The following LAMB3 variants were observed in gnomAD, a reference collection of about 807,000 sequenced individuals.
LAMB3 encodes the protein laminin subunit beta 3.
In LAMB3, 104 loss-of-function variants were observed where a neutral mutation model predicts 140.3. That is an observed-to-expected ratio of 0.74 (90% CI 0.63 to 0.87). The LOEUF is 0.87. LAMB3 is among the 40% of genes least tolerant of loss of function. The pLI is 0.00. For synonymous variants in LAMB3, 592 were observed against 602.9 expected, an observed-to-expected ratio of 0.98 and a Z score of 0.26; for missense variants, 1,531 against 1,575.2, an observed-to-expected ratio of 0.97 and a Z score of 0.47.
intron 3 of LAMB3, among the ~76,000 whole-genome samples, chr1:209,642,469 T>TTGTG (rs35289310): frequency 0.3 from 45,051 of 151,836 alleles, 7,104 homozygotes; most frequent in East Asian, 0.49. Flanking sequence ...TTAAGCTTTT[T>TTGTG]TGTTTGTTTG....
intron 18 of LAMB3, 114 bp downstream of exon 18, chr1:209,622,422 T>C (rs2102412463): frequency 1.6e-6 from 2 of 1,282,960 alleles, no homozygotes; most frequent in Non-Finnish European, 1.1e-6. Context: ...AGTGGAGGCC[T>C]GGATGTTGCA....
intron 22 of LAMB3, among the ~76,000 whole-genome samples, 164 bp downstream of exon 22, chr1:209,616,307 C>T (rs1665959716): frequency 6.6e-6 from 1 of 152,210 alleles, no homozygotes; most frequent in Non-Finnish European, 1.5e-5. Flanking sequence ...ACCATCTCTG[C>T]ATTCCCCAGC....
intron 5 of LAMB3, among the ~76,000 whole-genome samples, chr1:209,636,791 T>C (rs1045398421): frequency 1.4e-4 from 21 of 152,218 alleles, no homozygotes; most frequent in African/African-American, 4.8e-4. Context: ...GTGCACTCCC[T>C]GACAAGCCCT....
At position 209,616,619 on chromosome 1, in the gene LAMB3, A is replaced by G; in HGVS notation, c.3234T>C (p.Phe1078=). 1.2e-6 allele frequency: 2 copies of G among 1,614,156 alleles called. No homozygotes were observed. The highest frequency in any genetic ancestry group is 1.7e-6 in the Non-Finnish European group (2 of 1,179,998). The change falls in exon 22 of 23, where the codon TTT becomes TTC. Residue 1078 remains phenylalanine (F), a synonymous_variant. Transcript: ENST00000356082. ...CAGCATACTTTTGTTTTATTCTCTC[A>G]AATCCCTGAAAAAGGTAGAATAGTC... ...SEQALSAQEG[F]ERIKQKYAEL...
chr1:209,641,765 T>C (rs150639213), intron 3 of LAMB3, among the ~76,000 whole-genome samples: 37 of 152,338 alleles, frequency 2.4e-4, no homozygotes, highest in Non-Finnish European at 4.1e-4. Flanking sequence ...GCACTTAAAA[T>C]AATCCTTTCT....
intron 8 of LAMB3, among the ~76,000 whole-genome samples, chr1:209,631,073 T>G (rs1666672243): frequency 6.6e-6 from 1 of 152,212 alleles, no homozygotes; most frequent in Non-Finnish European, 1.5e-5. Context: ...CTTGGCAAAC[T>G]GTGGGATCCA....
chr1:209,639,624 TAC>T (rs55827014), intron 3 of LAMB3, among the ~76,000 whole-genome samples: 1 of 151,834 alleles, frequency 6.6e-6, no homozygotes, highest in African/African-American at 2.4e-5. Context: ...CATATACACA[TAC>T]ACACACACAC....
chr1:209,616,179 A>T (rs1665954321), intron 22 of LAMB3, among the ~76,000 whole-genome samples: 1 of 152,184 alleles, frequency 6.6e-6, no homozygotes, highest in South Asian at 2.1e-4. Flanking sequence ...GTTAAATATA[A>T]TTCTATGCAT....
chr1:209,636,049 C>T (rs948578278), intron 5 of LAMB3, among the ~76,000 whole-genome samples: 1 of 152,228 alleles, frequency 6.6e-6, no homozygotes, highest in African/African-American at 2.4e-5. Context: ...TGATACCTGA[C>T]TGAACTGCAT....
intron 3 of LAMB3, among the ~76,000 whole-genome samples, chr1:209,639,327 C>T (rs910720909): frequency 6.6e-6 from 1 of 152,204 alleles, no homozygotes; most frequent in Admixed American, 6.5e-5. Context: ...GCCCTGCCCT[C>T]AGGGACCCAA....
At chr1:209,624,943 G>GGGAA (rs895961440) in intron 14 of LAMB3, among the ~76,000 whole-genome samples, 13 of 144,050 alleles carry the variant, frequency 9.0e-5, no homozygotes, top group African/African-American at 2.6e-4. Flanking sequence ...AGGAAAAAAA[G>GGGAA]GGAAGGAAGG....
intron 18 of LAMB3, 138 bp downstream of exon 18, chr1:209,622,398 T>C: frequency 9.9e-7 from 1 of 1,008,426 alleles, no homozygotes; most frequent in Non-Finnish European, 1.5e-6. Flanking sequence ...GTCATGGCCA[T>C]GGTGCCAAGG....
chr1:209,651,238 A>C, intron 1 of LAMB3: 1 of 476,092 alleles, frequency 2.1e-6, no homozygotes, highest in Non-Finnish European at 3.8e-6. Flanking sequence ...TCCTCCTCTA[A>C]AATGGATGGG....
intron 14 of LAMB3, 127 bp from the exon 15 acceptor site, chr1:209,624,127 A>G (rs1176487679): frequency 1.9e-5 from 15 of 778,412 alleles, no homozygotes; most frequent in Non-Finnish European, 2.7e-5. Context: ...GCAACAGAAC[A>G]GAGAATCCAC....
intron 3 of LAMB3, among the ~76,000 whole-genome samples, chr1:209,640,078 C>T (rs1199924811): frequency 6.6e-6 from 1 of 152,206 alleles, no homozygotes; most frequent in South Asian, 2.1e-4. Context: ...GTCTTGGTTC[C>T]CTGGGCCTCT....
In LAMB3 at chr1:209,633,105, G is replaced by A. The variant is rs1203835711; in HGVS notation, c.593C>T (p.Ser198Phe). ...KVQLNLMDLV[S>F]GIPATQSQKI... ...TTGACTTTGAGTTGCTGGAATCCCAGACACTAAATCCATAAGGTTAAGTTG... is the reference window on the plus strand; with the variant it reads ...TTGACTTTGAGTTGCTGGAATCCCAAACACTAAATCCATAAGGTTAAGTTG... Residue 198 changes from serine (S) to phenylalanine (F), a missense_variant, in exon 7 of 23, where the codon TCT becomes TTT. By Grantham distance (155) the Ser-to-Phe change is radical. Coordinates refer to ENST00000356082, the MANE Select transcript of LAMB3 (RefSeq NM_000228.3). The A allele has an allele frequency of 6.2e-7, 1 of 1,612,838 alleles. No homozygotes were observed. The highest frequency in any genetic ancestry group is 2.2e-5 in the East Asian group (1 of 44,878).
At chr1:209,642,059 A>G (rs1444623656) in intron 3 of LAMB3, among the ~76,000 whole-genome samples, 3 of 152,162 alleles carry the variant, frequency 2.0e-5, no homozygotes, top group East Asian at 3.9e-4. Context: ...TCCCTGGGCC[A>G]TGGGACAAGG....
intron 11 of LAMB3, 70 bp downstream of exon 11, chr1:209,627,965 G>A: frequency 6.6e-7 from 1 of 1,526,472 alleles, no homozygotes; most frequent in Non-Finnish European, 8.9e-7. Context: ...ACAGTGAGCA[G>A]GGCAAGCCGT....
At position 209,648,112 on chromosome 1, in the gene LAMB3, T is replaced by C. The variant is rs143030525; in HGVS notation, c.183+1852A>G. ...TATCTATCTTCATTGCTGGAACCCA[T>C]GGCCTCTGCAAAGGGTAGGCATGTA... is the stretch of plus-strand genomic sequence containing the variant. On this transcript the variant is annotated intron_variant, in intron 3 of 22. Coordinates refer to ENST00000356082, the MANE Select transcript of LAMB3 (RefSeq NM_000228.3). Among the ~76,000 whole-genome samples the C allele has an allele frequency of 4.8e-3, 724 of 152,274 alleles. 5 individuals are homozygous for C. The highest frequency in any genetic ancestry group is 0.016 in the African/African-American group (670 of 41,538).
Sources: gnomAD v4.1 joint callset for allele counts (sites outside exome capture counted in the v4.1 genomes callset) on GRCh38, gnomAD v4.1.1 for gene constraint, MANE v1.5 for transcripts, NCBI Gene and HGNC (gene_info 2026-07-23, HGNC 2026-07-21) for gene names.